The following THSD7A variants were observed in gnomAD, a reference collection of about 807,000 sequenced individuals.
The protein encoded by THSD7A is thrombospondin type-1 domain-containing protein 7A.
THSD7A carries 96 observed loss-of-function variants against 231.3 expected under a neutral mutation model. The observed-to-expected ratio is 0.41, with a 90% CI of 0.35 to 0.49. The LOEUF (loss-of-function observed/expected upper bound fraction) is 0.49, where lower values mean the gene tolerates loss of function less well. THSD7A is among the 20% of genes least tolerant of loss of function. The pLI is 0.05. For missense variants in THSD7A, 2,290 were observed against 2,070.2 expected (o/e 1.11, Z -2.06); for synonymous variants, 940 against 743.3 (o/e 1.26, Z -4.30).
rs113771015 is a variant in THSD7A, at chr7:11,636,924, G to A, written c.228C>T (p.Pro76=). 21 of 1,612,172 alleles carry A rather than the reference G, an allele frequency of 1.3e-5. No individual in the cohort carries two copies. Among genetic ancestry groups the A allele is most frequent in the Middle Eastern group, 1.6e-4 (1 of 6,084 alleles). ...WGRCMGDECG[P]GGIQTRAVWC... The stretch of plus-strand genomic sequence containing the variant: ...ACACAGCCCTCGTTTGGATGCCTCC[G>A]GGACCACATTCATCTCCCATACATC... The change falls in exon 2 of 28, where the codon CCC becomes CCT. Residue 76 remains proline, a synonymous_variant. Transcript: ENST00000423059. This position sits in a 1 kb window ranked among gnomAD's most constrained non-coding sequence, Gnocchi z 10.0.
intron 1 of THSD7A, among the ~76,000 whole-genome samples, chr7:11,645,344 G>T (rs548302639): frequency 4.6e-5 from 7 of 151,668 alleles, no homozygotes; most frequent in Admixed American, 4.6e-4. Context: ...AGTGTTTTGT[G>T]TTATTTTGTG....
At chr7:11,463,444 G>C (rs1785579074) in intron 9 of THSD7A, among the ~76,000 whole-genome samples, 1 of 152,094 alleles carries the variant, frequency 6.6e-6, no homozygotes, top group African/African-American at 2.4e-5. Context: ...CTGGGTTTGG[G>C]AATAGGATAT....
intron 1 of THSD7A, among the ~76,000 whole-genome samples, chr7:11,682,595 C>A (rs760853933): frequency 1.7e-4 from 26 of 152,006 alleles, no homozygotes; most frequent in Non-Finnish European, 3.7e-4. Flanking sequence ...TTAGCACATT[C>A]AATTTTATAA....
intron 1 of THSD7A, among the ~76,000 whole-genome samples, chr7:11,817,871 T>C (rs1784754565): frequency 6.9e-6 from 1 of 144,298 alleles, no homozygotes; most frequent in South Asian, 2.1e-4. Context: ...CTTAAACATC[T>C]TTTTACTGAC....
At chr7:11,571,396 A>T (rs895404629) in intron 4 of THSD7A, among the ~76,000 whole-genome samples, 1 of 152,174 alleles carries the variant, frequency 6.6e-6, no homozygotes, top group African/African-American at 2.4e-5. Context: ...GCTGAATTTC[A>T]TCTCATACTT....
intron 10 of THSD7A, among the ~76,000 whole-genome samples, chr7:11,461,622 C>G (rs1049869499): frequency 6.6e-6 from 1 of 152,168 alleles, no homozygotes; most frequent in African/African-American, 2.4e-5. Flanking sequence ...TTTATGATTA[C>G]AAACAGGTGC....
chr7:11,756,919 T>C (rs1282687522), intron 1 of THSD7A, among the ~76,000 whole-genome samples: 1 of 152,048 alleles, frequency 6.6e-6, no homozygotes, highest in Non-Finnish European at 1.5e-5. Context: ...GGAAATAACA[T>C]GTTCTTTAGT....
intron 23 of THSD7A, among the ~76,000 whole-genome samples, chr7:11,387,055 G>C (rs1782775272): frequency 6.6e-6 from 1 of 152,168 alleles, no homozygotes; most frequent in Non-Finnish European, 1.5e-5. Flanking sequence ...CCTCTATTGT[G>C]TTCCATTGGT....
At chr7:11,426,788 A>G in intron 14 of THSD7A, 117 bp from the exon 15 acceptor site, 1 of 1,099,074 alleles carries the variant, frequency 9.1e-7, no homozygotes, top group Non-Finnish European at 1.3e-6. Context: ...TACATGTAAA[A>G]ACCTACTTTT....
chr7:11,585,846 G>C (rs931839812), intron 4 of THSD7A, among the ~76,000 whole-genome samples: 47 of 152,146 alleles, frequency 3.1e-4, no homozygotes, highest in Non-Finnish European at 5.6e-4. Flanking sequence ...TGAGGCATGT[G>C]AGCAAACCAA....
intron 23 of THSD7A, among the ~76,000 whole-genome samples, chr7:11,389,282 A>G (rs1032840561): frequency 6.6e-6 from 1 of 152,058 alleles, no homozygotes; most frequent in Non-Finnish European, 1.5e-5. Flanking sequence ...GCGCTCCTGC[A>G]TTGGGTGCAT....
chr7:11,474,449 C>G lies in THSD7A; in HGVS notation c.2137G>C (p.Val713Leu), dbSNP rs776947965. 3 of 1,613,644 alleles carry G rather than the reference C, an allele frequency of 1.9e-6. No homozygotes were observed. The highest frequency in any genetic ancestry group is 2.5e-6 in the Non-Finnish European group (3 of 1,179,628). The stretch of plus-strand genomic sequence containing the variant: ...GTCGTAGTTGTGTTGAAGGACGATA[C>G]TGAGGTGTCCTCAATGCACTGGCCC... ...PWGQCIEDTS[V>L]SSFNTTTTWN... The change falls in exon 8 of 28, where the codon GTA becomes CTA. Residue 713 changes from valine to leucine, a missense_variant. Transcript: ENST00000423059. This position sits in a 1 kb window ranked among gnomAD's most constrained non-coding sequence, Gnocchi z 4.1.
Position 11,617,404 on chromosome 7 carries a change from T to A in THSD7A, c.1022+18726A>T, listed in dbSNP as rs375300618. ...TATATCTTCCTTCCTCTCATCTTAC[T>A]AATTGCACGTATATTTGTATGTATG... On this transcript the variant is annotated intron_variant, in intron 2 of 27. Coordinates refer to ENST00000423059, the MANE Select transcript of THSD7A (RefSeq NM_015204.3). Among the ~76,000 whole-genome samples, 11 of 152,208 alleles carry A rather than the reference T, an allele frequency of 7.2e-5. No individual in the cohort carries two copies. The East Asian group carries it at 7.7e-4, about 11-fold the overall frequency.
At chr7:11,410,825 A>G (rs1783758811) in intron 19 of THSD7A, among the ~76,000 whole-genome samples, 1 of 152,124 alleles carries the variant, frequency 6.6e-6, no homozygotes, top group Admixed American at 6.6e-5. Context: ...ATCAATGTTT[A>G]GCAACAAAGA....
rs1785475387 is a variant in THSD7A at position 11,460,738 on chromosome 7, G to A, written c.2529C>T (p.Cys843=). 1.2e-6 allele frequency: 2 copies of A among 1,612,470 alleles called. No homozygotes were observed. The highest frequency in any genetic ancestry group is 1.7e-6 in the Non-Finnish European group (2 of 1,179,334). The part of the protein sequence containing the change: ...YRWKTHKWRR[C]QLVPWSVQQD... ...GTTGCACGCTCCAAGGGACTAATTG[G>A]CATCTGCGCCATTTGTGAGTCTTCC... The change falls in exon 11 of 28, where the codon TGC becomes TGT. Residue 843 remains cysteine, a synonymous_variant. Transcript: ENST00000423059.
intron 1 of THSD7A, among the ~76,000 whole-genome samples, chr7:11,780,335 A>T (rs2128174340): frequency 6.6e-6 from 1 of 152,312 alleles, no homozygotes; most frequent in East Asian, 1.9e-4. Flanking sequence ...GACCTATATA[A>T]CCAATAGAAT....
At chr7:11,463,264 T>C (rs1319954327) in intron 9 of THSD7A, among the ~76,000 whole-genome samples, 2 of 152,194 alleles carry the variant, frequency 1.3e-5, no homozygotes, top group African/African-American at 4.8e-5. Context: ...GTCAAAGATA[T>C]TCTTCAACAC....
intron 1 of THSD7A, among the ~76,000 whole-genome samples, chr7:11,774,710 A>G (rs572679098): frequency 6.6e-6 from 1 of 152,368 alleles, no homozygotes; most frequent in Non-Finnish European, 1.5e-5. Context: ...TCATACAATT[A>G]GCTTTGCCTT....
At chr7:11,657,165 G>A (rs531849156) in intron 1 of THSD7A, among the ~76,000 whole-genome samples, 1 of 151,922 alleles carries the variant, frequency 6.6e-6, no homozygotes, top group South Asian at 2.1e-4. Context: ...ATAGCAGTGT[G>A]AGCTTTGTGA....
Sources: allele counts gnomAD v4.1 joint callset (sites outside exome capture counted in the v4.1 genomes callset), GRCh38; gene constraint gnomAD v4.1.1; non-coding constraint Gnocchi (gnomAD v3.1); transcripts MANE v1.5; gene names NCBI Gene and HGNC (gene_info 2026-07-23, HGNC 2026-07-21).